DNAH12: variants seen among roughly 807,000 people sequenced by gnomAD.
The protein encoded by DNAH12 is dynein axonemal heavy chain 12.
In DNAH12, 285 loss-of-function variants were observed where a neutral mutation model predicts 371.5. The observed-to-expected ratio is 0.77, with a 90% CI of 0.70 to 0.85. The LOEUF is 0.85. Ranked by LOEUF, DNAH12 falls within the 40% of genes least tolerant of loss-of-function variation. The pLI is 0.00. For missense variants in DNAH12, 3,611 were observed against 3,689.4 expected (o/e 0.98, Z 0.55); for synonymous variants, 1,200 against 1,213.0 (o/e 0.99, Z 0.22).
chr3:57,499,513 G>T (rs947207335), intron 11 of DNAH12, among the ~76,000 whole-genome samples: 3 of 148,862 alleles, frequency 2.0e-5, no homozygotes, highest in African/African-American at 7.4e-5. Flanking sequence ...CTCTGTACAG[G>T]CTGGGTGTGG....
At chr3:57,542,024 T>G (rs1025313485) in intron 2 of DNAH12, among the ~76,000 whole-genome samples, 2 of 152,024 alleles carry the variant, frequency 1.3e-5, no homozygotes, top group African/African-American at 4.8e-5. Context: ...GTATTTTTCT[T>G]TTTATTTATC....
chr3:57,465,972 TATAAC>T (rs1420707927), intron 17 of DNAH12, among the ~76,000 whole-genome samples: 3 of 152,092 alleles, frequency 2.0e-5, no homozygotes, highest in African/African-American at 7.2e-5. Flanking sequence ...TATATATTGG[TATAAC>T]TTCTATGGAG....
intron 62 of DNAH12, among the ~76,000 whole-genome samples, 161 bp from the exon 63 acceptor site, chr3:57,323,780 A>G (rs118190204): frequency 6.6e-6 from 1 of 152,350 alleles, no homozygotes; most frequent in East Asian, 1.9e-4. Context: ...AATAAAAACT[A>G]TATACATTTA....
In DNAH12 at chr3:57,461,572, G is replaced by C. The variant is rs1234967643; in HGVS notation, c.2653C>G (p.Gln885Glu). The C allele has an allele frequency of 1.9e-6, 3 of 1,551,298 alleles. No homozygotes were observed. The Admixed American group carries it at 5.9e-5, about 30-fold the overall frequency. Residue 885 changes from glutamine to glutamate, a missense_variant, in exon 19 of 74, where the codon CAG (glutamine) becomes GAG (glutamate). Gln to Glu is a conservative substitution (Grantham distance 29, BLOSUM62 2). Around this residue, in one of 3 missense-constraint regions of DNAH12, gnomAD observed 1,314 missense variants for 1,398.7 expected, o/e 0.94. Transcript: ENST00000495027. The part of the protein sequence containing the change: ...VCILSSVDEI[Q>E]AILDDQIIKT... ...ATAATTTGATCATCAAGGATGGCCT[G>C]AATCTCATCCACCGAAGAAAGAATA...
At position 57,421,538 on chromosome 3, in the gene DNAH12, C is replaced by A; in HGVS notation, c.5542G>T (p.Val1848Phe). 2 of 1,551,542 alleles carry A rather than the reference C, an allele frequency of 1.3e-6. No individual in the cohort carries two copies. Among genetic ancestry groups the A allele is most frequent in the South Asian group, 2.4e-5 (2 of 84,056 alleles). ...WECPFDEKGL[V>F]YDYMYELKNK... ...CATACCTCATACATGTAGTCATAGA[C>A]CAGGCCTTTTTCATCAAATGGGCAT... The change falls in exon 36 of 74, where the codon GTC becomes TTC. Residue 1848 changes from valine (V) to phenylalanine (F), a missense_variant. By Grantham distance (50) the Val-to-Phe change is conservative. Transcript: ENST00000495027.
chr3:57,433,859 A>G, intron 30 of DNAH12, 31 bp from the exon 31 acceptor site: 1 of 1,471,734 alleles, frequency 6.8e-7, no homozygotes, highest in Non-Finnish European at 9.0e-7. Context: ...TTATACAATA[A>G]GAGTCTTTAA....
At chr3:57,319,869 G>T (rs1243073122) in intron 65 of DNAH12, among the ~76,000 whole-genome samples, 2 of 152,056 alleles carry the variant, frequency 1.3e-5, no homozygotes, top group Non-Finnish European at 2.9e-5. Flanking sequence ...ACAGGCATGA[G>T]CCACCATGCC....
Position 57,428,778 on chromosome 3 carries a change from G to A in DNAH12, c.5108C>T (p.Ser1703Leu). The part of the protein sequence containing the change: ...SRCGMIYLEP[S>L]QLGWEPLVSS... Reference sequence around the variant, plus strand: ...CACAAGTGGTTCCCATCCTAACTGTGAAGGCTCCAAATAAATCATACCACA... The same window carrying A: ...CACAAGTGGTTCCCATCCTAACTGTAAAGGCTCCAAATAAATCATACCACA... The change falls in exon 34 of 74, where the codon TCA becomes TTA. Residue 1703 changes from serine (S) to leucine (L), a missense_variant. Physicochemically the swap from Ser to Leu is moderately radical, Grantham distance 145. Coordinates refer to ENST00000495027, the MANE Select transcript of DNAH12 (RefSeq NM_001366028.2). 1 of 1,548,924 alleles carries A rather than the reference G, an allele frequency of 6.5e-7. No homozygotes were observed. The highest frequency in any genetic ancestry group is 8.7e-7 in the Non-Finnish European group (1 of 1,146,402).
intron 62 of DNAH12, among the ~76,000 whole-genome samples, chr3:57,327,256 A>AT (rs970007901): frequency 2.6e-5 from 4 of 151,928 alleles, no homozygotes; most frequent in Admixed American, 6.6e-5. Flanking sequence ...CAGAATATAC[A>AT]TTTTTTTCAG....
intron 25 of DNAH12, among the ~76,000 whole-genome samples, chr3:57,448,285 A>T (rs542931041): frequency 3.2e-4 from 49 of 152,100 alleles, no homozygotes; most frequent in Non-Finnish European, 3.1e-4. Flanking sequence ...TCGCTGGCTC[A>T]GGAGTGAAGC....
chr3:57,486,430 A>T (rs1029981526), intron 12 of DNAH12, among the ~76,000 whole-genome samples: 1 of 151,798 alleles, frequency 6.6e-6, no homozygotes, highest in African/African-American at 2.4e-5. Flanking sequence ...ATTTTAAGTA[A>T]GAAATAGAAA....
intron 43 of DNAH12, among the ~76,000 whole-genome samples, chr3:57,394,936 T>C (rs1312834383): frequency 5.3e-5 from 8 of 152,310 alleles, no homozygotes; most frequent in East Asian, 3.9e-4. Context: ...CTGACTTGTA[T>C]AGGCTTGTTA....
At chr3:57,453,523 G>A in intron 23 of DNAH12, 120 bp from the exon 24 acceptor site, 1 of 878,530 alleles carries the variant, frequency 1.1e-6, no homozygotes, top group South Asian at 2.9e-5. Flanking sequence ...ATATAGAAAT[G>A]AGTTCAAGCG....
rs1450871732 is a variant in DNAH12, at chr3:57,298,955, TGAACAG to T, written c.11395-1977_11395-1972del. On this transcript the variant is annotated intron_variant, in intron 70 of 73. Transcript: ENST00000495027. Reference sequence around the variant, plus strand: ...GAGGTCTCAATTCATATTTATGGAATGAACAGATGAATCAATGAAATGGACTTTGTC... The same window carrying T: ...GAGGTCTCAATTCATATTTATGGAATATGAATCAATGAAATGGACTTTGTC... 9.9e-5 allele frequency among the ~76,000 whole-genome samples: 15 copies of T among 152,198 alleles called. 1 individual carries two copies. Among genetic ancestry groups the T allele is most frequent in the Non-Finnish European group, 1.5e-5 (1 of 68,034 alleles).
Position 57,352,065 on chromosome 3 carries a change from G to A in DNAH12, c.9674+20C>T. 1.3e-6 allele frequency: 2 copies of A among 1,492,660 alleles called. No individual in the cohort carries two copies. The highest frequency in any genetic ancestry group is 1.4e-5 in the African/African-American group (1 of 69,694). 92.5% of individuals were successfully genotyped at this position (1,492,660 alleles called of 1,614,324 possible). ...GAGGTTTTAAAAATAAATAAATTATGGTAAAAGCAAGTAACTTACAGAAGA... is the reference window on the plus strand; with the variant it reads ...GAGGTTTTAAAAATAAATAAATTATAGTAAAAGCAAGTAACTTACAGAAGA... On this transcript the variant is annotated intron_variant, in intron 60 of 73. Coordinates refer to ENST00000495027, the MANE Select transcript of DNAH12 (RefSeq NM_001366028.2).
intron 32 of DNAH12, among the ~76,000 whole-genome samples, chr3:57,432,835 T>TG (rs2064997022): frequency 6.6e-6 from 1 of 152,184 alleles, no homozygotes; most frequent in East Asian, 1.9e-4. Context: ...GATGATTATG[T>TG]GAGTATACAA....
chr3:57,427,077 T>C (rs9829584), intron 34 of DNAH12, among the ~76,000 whole-genome samples: 48,492 of 151,136 alleles, frequency 0.32, 8,448 homozygotes, highest in South Asian at 0.43. Context: ...CATTTTAGGA[T>C]AAAACTGAGT....
In DNAH12 at chr3:57,334,483, C is replaced by G; in HGVS notation, c.9960G>C (p.Arg3320=). The change falls in exon 62 of 74, where the codon CGG becomes CGC. Residue 3320 remains arginine (R), a synonymous_variant. Transcript: ENST00000495027. ...CTTTTACCTTATCAGGTCTTAAACA[C>G]CGAAGAATTATTATTTTCTGTAGTT... ...LNELQKIIIL[R]CLRPDKITPA... 2 of 1,548,670 alleles carry G rather than the reference C, an allele frequency of 1.3e-6. No individual in the cohort carries two copies. Among genetic ancestry groups the G allele is most frequent in the South Asian group, 2.4e-5 (2 of 83,026 alleles).
intron 43 of DNAH12, among the ~76,000 whole-genome samples, chr3:57,400,191 G>A (rs2063828018): frequency 6.6e-6 from 1 of 152,208 alleles, no homozygotes; most frequent in South Asian, 2.1e-4. Flanking sequence ...AGGAGGCTGA[G>A]GCATGAGAAT....
Sources: allele counts gnomAD v4.1 joint callset (sites outside exome capture counted in the v4.1 genomes callset), GRCh38; gene constraint gnomAD v4.1.1; regional missense constraint gnomAD v4.1.1; transcripts MANE v1.5; gene names NCBI Gene and HGNC (gene_info 2026-07-23, HGNC 2026-07-21).